Variants in MYO10 observed in about 807,000 individuals in gnomAD.
MYO10 encodes the protein unconventional myosin-X.
Under a neutral mutation model 257.3 loss-of-function variants are expected in MYO10, and 133 were observed. The ratio of observed to expected loss-of-function variants is 0.52; its 90% CI spans 0.45 to 0.60. The LOEUF is 0.60. Ranked by LOEUF, MYO10 falls within the 20% of genes least tolerant of loss-of-function variation. MYO10 has a pLI of 0.00. For synonymous variants in MYO10, 1,104 were observed against 1,028.6 expected (o/e 1.07, Z -1.40); for missense variants, 2,399 against 2,635.7 (o/e 0.91, Z 1.97).
At position 16,680,052 on chromosome 5, in the gene MYO10, G is replaced by C; in HGVS notation, c.4437C>G (p.Thr1479=). The C allele has an allele frequency of 6.2e-7, 1 of 1,613,950 alleles. No homozygotes were observed. The highest frequency in any genetic ancestry group is 2.2e-5 in the East Asian group (1 of 44,870). The change falls in exon 33 of 41, where the codon ACC becomes ACG. Residue 1479 remains threonine, a synonymous_variant. Transcript: ENST00000513610. ...YGRKHCYRLY[T]KLLNEATRWS... ...ACCGGGTGGCCTCGTTGAGCAGCTT[G>C]GTGTAGAGCCGGTAACAGTGCTTGC...
At chr5:16,769,270 C>T (rs1054980261) in intron 9 of MYO10, 67 bp from the exon 10 acceptor site, 36 of 1,446,810 alleles carry the variant, frequency 2.5e-5, no homozygotes, top group Non-Finnish European at 3.0e-5. Flanking sequence ...TAGAATATCC[C>T]TGATAATATA....
At chr5:16,892,671 A>G (rs1306044343) in intron 1 of MYO10, among the ~76,000 whole-genome samples, 1 of 152,088 alleles carries the variant, frequency 6.6e-6, no homozygotes, top group Non-Finnish European at 1.5e-5. Flanking sequence ...AAAAGATGCC[A>G]TAGGTCTTCA....
chr5:16,890,520 T>C (rs1745020357), intron 1 of MYO10, among the ~76,000 whole-genome samples: 2 of 151,842 alleles, frequency 1.3e-5, no homozygotes, highest in South Asian at 4.1e-4. Flanking sequence ...TTTTTTTTAA[T>C]GTGGTCTATT....
At chr5:16,812,707 A>G (rs907655071) in intron 3 of MYO10, among the ~76,000 whole-genome samples, 3 of 152,230 alleles carry the variant, frequency 2.0e-5, no homozygotes, top group Admixed American at 2.0e-4. Flanking sequence ...TGAGATGGCT[A>G]AGATGGAGAC....
At chr5:16,874,407 G>A (rs1240794419) in intron 2 of MYO10, among the ~76,000 whole-genome samples, 7 of 135,252 alleles carry the variant, frequency 5.2e-5, no homozygotes, top group Admixed American at 4.5e-4. Flanking sequence ...AAACCGTTAT[G>A]CTCGCTTCCC....
At chr5:16,905,474 T>C (rs1000964004) in intron 1 of MYO10, among the ~76,000 whole-genome samples, 1 of 152,034 alleles carries the variant, frequency 6.6e-6, no homozygotes, top group African/African-American at 2.4e-5. Context: ...CTAAGGCTAG[T>C]AGGTCTCCCT....
chr5:16,768,547 T>A (rs1188095448), intron 10 of MYO10, among the ~76,000 whole-genome samples: 1 of 151,974 alleles, frequency 6.6e-6, no homozygotes, highest in Non-Finnish European at 1.5e-5. Context: ...ATGGCTGCTA[T>A]CCCAATTGAC....
At chr5:16,775,179 A>T (rs185600269) in intron 9 of MYO10, among the ~76,000 whole-genome samples, 1 of 152,184 alleles carries the variant, frequency 6.6e-6, no homozygotes, top group South Asian at 2.1e-4. Context: ...TAACACTTTA[A>T]GGGGCAATTT....
chr5:16,791,986 C>T (rs547635090), intron 4 of MYO10, among the ~76,000 whole-genome samples: 3 of 152,130 alleles, frequency 2.0e-5, no homozygotes, highest in African/African-American at 7.2e-5. Flanking sequence ...ACTGAATACA[C>T]TGACAGTCCC....
chr5:16,833,406 G>T (rs1419412514), intron 2 of MYO10, among the ~76,000 whole-genome samples: 1 of 151,920 alleles, frequency 6.6e-6, no homozygotes, highest in East Asian at 1.9e-4. Context: ...TAGAGACGAG[G>T]TTTCACCATG....
intron 1 of MYO10, among the ~76,000 whole-genome samples, chr5:16,912,838 A>ACACC (rs1745702320): frequency 6.7e-6 from 1 of 149,764 alleles, no homozygotes; most frequent in Admixed American, 6.6e-5. Flanking sequence ...ACACACACAC[A>ACACC]CACACACACA....
In MYO10 at chr5:16,676,088, G is replaced by A. The variant is rs1191137140; in HGVS notation, c.4609C>T (p.His1537Tyr). 3 of 1,613,388 alleles carry A rather than the reference G, an allele frequency of 1.9e-6. No homozygotes were observed. The highest frequency in any genetic ancestry group is 1.7e-5 in the Admixed American group (1 of 59,930). ...AGGAGCGGGGAGTGCAAGGGGTGAT[G>A]GGTGTATCGAAGGATCGGGTTCCGC... ...YKRNPILRYT[H>Y]HPLHSPLLPL... The change falls in exon 34 of 41, where the codon CAT (histidine) becomes TAT (tyrosine). Residue 1537 changes from histidine (H) to tyrosine (Y), a missense_variant. Physicochemically the swap from His to Tyr is moderately conservative, Grantham distance 83. Transcript: ENST00000513610.
At chr5:16,719,919 G>T (rs867361611) in intron 19 of MYO10, among the ~76,000 whole-genome samples, 5 of 152,048 alleles carry the variant, frequency 3.3e-5, no homozygotes, top group Non-Finnish European at 5.9e-5. Context: ...GGCCGAGATT[G>T]TACCATTGCA....
intron 1 of MYO10, chr5:16,916,295 T>C: frequency 2.8e-6 from 1 of 353,674 alleles, no homozygotes; most frequent in African/African-American, 2.1e-5. Context: ...CATTCGGAGT[T>C]CTGAGGAGTC....
At chr5:16,721,150 A>G (rs1345323163) in intron 19 of MYO10, among the ~76,000 whole-genome samples, 3 of 152,206 alleles carry the variant, frequency 2.0e-5, no homozygotes, top group Non-Finnish European at 4.4e-5. Context: ...ATTACGCTAC[A>G]TAACAAAATA....
In MYO10 at chr5:16,662,192, AT is replaced by A; in HGVS notation, c.*4499del. 1 of 151,880 alleles carries A rather than the reference AT, an allele frequency of 6.6e-6. No individual in the cohort carries two copies. Among genetic ancestry groups the A allele is most frequent in the South Asian group, 2.1e-4 (1 of 4,814 alleles). The allele number at this position is 151,880 out of a possible 1,614,324, so 9.4% of individuals were successfully genotyped here. A position where few individuals can be genotyped will look rare whatever the true frequency, so the allele number is the denominator to read the frequency against. ...GATTTTCAAATTAATTAAAGCGCTT[AT>A]TTTTATACCCAATACACACAAATAC... On this transcript the variant is annotated 3_prime_UTR_variant, in exon 41 of 41. Coordinates refer to ENST00000513610, the MANE Select transcript of MYO10 (RefSeq NM_012334.3).
At chr5:16,845,090 G>A (rs1743594397) in intron 2 of MYO10, among the ~76,000 whole-genome samples, 1 of 152,018 alleles carries the variant, frequency 6.6e-6, no homozygotes, top group Non-Finnish European at 1.5e-5. Flanking sequence ...TAAGCAAAGG[G>A]AATGAGAACA....
chr5:16,709,980 C>G (rs77134946), intron 21 of MYO10, among the ~76,000 whole-genome samples: 511 of 152,346 alleles, frequency 3.4e-3, no homozygotes, highest in African/African-American at 0.011. Context: ...ATTGGTCAAA[C>G]TGCAAGACAT....
chr5:16,683,232 T>C (rs1054028289), intron 30 of MYO10, among the ~76,000 whole-genome samples: 7 of 152,192 alleles, frequency 4.6e-5, no homozygotes, highest in Non-Finnish European at 1.0e-4. Context: ...AAGACAATTT[T>C]GATTCTTTCT....
Sources: allele counts gnomAD v4.1 joint callset (sites outside exome capture counted in the v4.1 genomes callset), GRCh38; gene constraint gnomAD v4.1.1; transcripts MANE v1.5; gene names NCBI Gene and HGNC (gene_info 2026-07-23, HGNC 2026-07-21).